The following INTS13 variants were observed in gnomAD, a reference collection of about 807,000 sequenced individuals.
The protein encoded by INTS13 is asunder, spermatogenesis regulator homolog (Drosphila).
In INTS13, 35 loss-of-function variants were observed where a neutral mutation model predicts 90.2. The observed-to-expected ratio is 0.39, with a 90% CI of 0.30 to 0.51. INTS13 has a LOEUF of 0.51. Ranked by LOEUF, INTS13 falls within the 20% of genes least tolerant of loss-of-function variation. INTS13 has a pLI of 0.80. For missense variants in INTS13, 601 were observed against 851.2 expected (o/e 0.71, Z 3.66); for synonymous variants, 309 against 277.1 (o/e 1.11, Z -1.14).
intron 6 of INTS13, among the ~76,000 whole-genome samples, chr12:26,924,898 G>C (rs1162195679): frequency 3.3e-5 from 5 of 152,062 alleles, no homozygotes; most frequent in Non-Finnish European, 5.9e-5. Flanking sequence ...AAAACTAAAA[G>C]AATGAATGTG....
At position 26,911,647 on chromosome 12, in the gene INTS13, T is replaced by C. The variant is rs545738197; in HGVS notation, c.1806-330A>G. On this transcript the variant is annotated intron_variant, in intron 14 of 16. Coordinates refer to ENST00000261191, the MANE Select transcript of INTS13 (RefSeq NM_018164.3). ...ATTGCACAATTCTGATTTTTAAAGA[T>C]AGGAACAAAATAACACTGAATTTCA... Among the ~76,000 whole-genome samples the C allele has an allele frequency of 2.8e-4, 43 of 152,334 alleles. 2 individuals are homozygous for C. The South Asian group carries it at 8.3e-3, about 29-fold the overall frequency.
chr12:26,936,460 G>A, intron 2 of INTS13, 119 bp downstream of exon 2: 1 of 721,380 alleles, frequency 1.4e-6, no homozygotes, highest in Non-Finnish European at 2.3e-6. Context: ...GCAGCGTTAT[G>A]TACCACATTT....
rs1334091406 is a variant in INTS13, at chr12:26,917,056, C to G, written c.1069+296G>C. ...ACAAATCAATTTAGACTCTGAAGGT[C>G]AAATTTTTTAAATAAAAATACTCAC... On this transcript the variant is annotated intron_variant, in intron 10 of 16. Transcript: ENST00000261191. 3.9e-5 allele frequency among the ~76,000 whole-genome samples: 6 copies of G among 151,986 alleles called. No homozygotes were observed. In the South Asian group the frequency reaches 8.3e-4, roughly 21 times the overall value.
intron 8 of INTS13, 101 bp downstream of exon 8, chr12:26,922,515 C>T (rs1937642039): frequency 2.6e-6 from 2 of 761,982 alleles, no homozygotes; most frequent in Non-Finnish European, 2.0e-6. Flanking sequence ...TTCAGGCATC[C>T]ACTGGGGGTC....
chr12:26,937,005 A>G (rs934710801), intron 1 of INTS13, among the ~76,000 whole-genome samples, 191 bp from the exon 2 acceptor site: 1 of 152,206 alleles, frequency 6.6e-6, no homozygotes, highest in African/African-American at 2.4e-5. Context: ...TCAATACACC[A>G]TATTAGGCTG....
intron 10 of INTS13, 78 bp from the exon 11 acceptor site, chr12:26,916,258 A>T (rs538977504): frequency 1.2e-5 from 15 of 1,258,880 alleles, no homozygotes; most frequent in Non-Finnish European, 1.6e-5. Flanking sequence ...TTATGTCTAG[A>T]TTTTTTCATT....
At chr12:26,908,726 G>C (rs954090081) in intron 15 of INTS13, among the ~76,000 whole-genome samples, 1 of 152,088 alleles carries the variant, frequency 6.6e-6, no homozygotes, top group Non-Finnish European at 1.5e-5. Flanking sequence ...GCCCAGATCA[G>C]TTGCTGATCA....
chr12:26,906,194 T>A, intron 16 of INTS13, 108 bp downstream of exon 16: 1 of 1,085,204 alleles, frequency 9.2e-7, no homozygotes, highest in East Asian at 2.5e-5. Flanking sequence ...ATGTATTAGT[T>A]CATAATATTA....
intron 11 of INTS13, among the ~76,000 whole-genome samples, chr12:26,915,169 T>C (rs1365776320): frequency 6.6e-6 from 1 of 152,134 alleles, no homozygotes; most frequent in Admixed American, 6.5e-5. Flanking sequence ...GAGGTTGCAG[T>C]GAGCCAAGAT....
chr12:26,908,850 G>T (rs2137399322), intron 15 of INTS13, among the ~76,000 whole-genome samples: 1 of 152,294 alleles, frequency 6.6e-6, no homozygotes, highest in Middle Eastern at 3.4e-3. Context: ...CAATCAAGTT[G>T]CTTCTCATAT....
At chr12:26,907,649 C>A (rs7968486) in intron 15 of INTS13, among the ~76,000 whole-genome samples, 1 of 152,144 alleles carries the variant, frequency 6.6e-6, no homozygotes, top group Non-Finnish European at 1.5e-5. Context: ...AGAAGAACAA[C>A]CCACAGACTG....
chr12:26,929,082 G>A, intron 3 of INTS13, 177 bp from the exon 4 acceptor site: 2 of 570,344 alleles, frequency 3.5e-6, no homozygotes, highest in South Asian at 4.8e-5. Flanking sequence ...ATGAACAAGT[G>A]GGATTTATTC....
chr12:26,909,753 A>C (rs1427212820), intron 15 of INTS13, among the ~76,000 whole-genome samples: 1 of 152,244 alleles, frequency 6.6e-6, no homozygotes, highest in African/African-American at 2.4e-5. Flanking sequence ...ATATAATAAG[A>C]TCACCTCAAG....
At chr12:26,920,335 T>TATA (rs1014300935) in intron 8 of INTS13, among the ~76,000 whole-genome samples, 4 of 152,042 alleles carry the variant, frequency 2.6e-5, no homozygotes, top group Non-Finnish European at 5.9e-5. Context: ...ATGTAATGCA[T>TATA]ATAACTACAG....
At position 26,936,784 on chromosome 12, in the gene INTS13, G is replaced by T; in HGVS notation, c.20C>A (p.Ser7Tyr). The T allele has an allele frequency of 6.2e-7, 1 of 1,612,970 alleles. No homozygotes were observed. The highest frequency in any genetic ancestry group is 1.1e-5 in the South Asian group (1 of 91,018). The change falls in exon 2 of 17, where the codon TCT (serine) becomes TAT (tyrosine). Residue 7 changes from serine to tyrosine, a missense_variant. Ser to Tyr is a moderately radical substitution (Grantham distance 144). Transcript: ENST00000261191. MKIFSESHKTVFVVDHC... is the reference protein window; with the variant it reads MKIFSEYHKTVFVVDHC... ...ATCCACAACAAACACTGTTTTATGAGATTCAGAAAAAATCTTCATTTTGTT... is the reference window on the plus strand; with the variant it reads ...ATCCACAACAAACACTGTTTTATGATATTCAGAAAAAATCTTCATTTTGTT...
chr12:26,936,115 A>T (rs1271589688), intron 2 of INTS13, among the ~76,000 whole-genome samples: 2 of 152,196 alleles, frequency 1.3e-5, no homozygotes. Flanking sequence ...CCTCTACGTA[A>T]CTATGTGACT....
chr12:26,934,564 A>T lies in INTS13; in HGVS notation c.292T>A (p.Leu98Ile), dbSNP rs1252574499. The change falls in exon 3 of 17, where the codon TTA becomes ATA. Residue 98 changes from leucine (L) to isoleucine (I), a missense_variant. Transcript: ENST00000261191. ...TCAAAATCTAACCATACCTCCTGTA[A>T]ATTTTGGTCTTCTTGAGTCCAAGAA... is the stretch of plus-strand genomic sequence containing the variant. ...LNSWTQEDQNLQELMAALAAV... is the reference protein window; with the variant it reads ...LNSWTQEDQNIQELMAALAAV... 1.2e-6 allele frequency: 2 copies of T among 1,610,016 alleles called. No homozygotes were observed. Among genetic ancestry groups the T allele is most frequent in the Admixed American group, 1.7e-5 (1 of 59,992 alleles).
intron 3 of INTS13, among the ~76,000 whole-genome samples, chr12:26,930,358 G>T (rs144941677): frequency 2.0e-5 from 3 of 152,056 alleles, no homozygotes; most frequent in African/African-American, 7.2e-5. Flanking sequence ...AAAAGAACAA[G>T]GTAAGAAGAG....
chr12:26,935,284 G>C (rs1938401481), intron 2 of INTS13, among the ~76,000 whole-genome samples: 1 of 152,170 alleles, frequency 6.6e-6, no homozygotes, highest in African/African-American at 2.4e-5. Flanking sequence ...GTAAGATAAT[G>C]ACAAAGAACA....
Sources: gnomAD v4.1 joint callset for allele counts (sites outside exome capture counted in the v4.1 genomes callset) on GRCh38, gnomAD v4.1.1 for gene constraint, MANE v1.5 for transcripts, NCBI Gene and HGNC (gene_info 2026-07-23, HGNC 2026-07-21) for gene names.